The following RANBP2 variants were observed in gnomAD, a reference collection of about 807,000 sequenced individuals.
RANBP2 encodes the protein RAN binding protein 2.
RANBP2 carries 57 observed loss-of-function variants against 303.6 expected under a neutral mutation model. That is an observed-to-expected ratio of 0.19 (90% confidence interval 0.15 to 0.23). RANBP2 has a LOEUF of 0.23. RANBP2 is among the 10% of genes least tolerant of loss of function. The pLI is 1.00. For synonymous variants in RANBP2, 1,167 were observed against 1,301.5 expected, an observed-to-expected ratio of 0.90 and a Z score of 2.23; for missense variants, 3,138 against 3,780.8, an observed-to-expected ratio of 0.83 and a Z score of 4.46.
chr2:109,585,999 A>G, the RANBP2 span, among the ~76,000 whole-genome samples: 2 of 152,228 alleles, frequency 1.3e-5, no homozygotes, highest in African/African-American at 4.8e-5. Context: ...TTTTCAGGAA[A>G]AGAAACCTGT....
chr2:109,593,172 C>T, the RANBP2 span: 4 of 1,192,490 alleles, frequency 3.4e-6, no homozygotes, highest in Non-Finnish European at 4.8e-6. Context: ...ACTCCCCAAA[C>T]CCCATTATCT....
the RANBP2 span, among the ~76,000 whole-genome samples, chr2:109,040,143 T>TG: frequency 6.6e-6 from 1 of 152,198 alleles, no homozygotes; most frequent in African/African-American, 2.4e-5. Flanking sequence ...TGGCATGAAG[T>TG]GGGGGTCACG....
chr2:109,026,537 C>A, the RANBP2 span, among the ~76,000 whole-genome samples: 1 of 152,096 alleles, frequency 6.6e-6, no homozygotes, highest in South Asian at 2.1e-4. Context: ...CAAAGGCTGG[C>A]TATGCAGTCA....
the RANBP2 span, among the ~76,000 whole-genome samples, chr2:108,965,257 C>T: frequency 1.3e-5 from 2 of 152,056 alleles, no homozygotes; most frequent in Non-Finnish European, 2.9e-5. Flanking sequence ...GCAGGCGGAT[C>T]ATGAGGTCAG....
chr2:108,990,521 A>T, the RANBP2 span, among the ~76,000 whole-genome samples: 1 of 151,804 alleles, frequency 6.6e-6, no homozygotes, highest in Non-Finnish European at 1.5e-5. Context: ...GTTCGAACCC[A>T]GGAGATGGAA....
the RANBP2 span, chr2:108,910,726 C>A: frequency 6.2e-7 from 1 of 1,601,644 alleles, no homozygotes; most frequent in African/African-American, 1.3e-5. Context: ...CGCCCTCCAC[C>A]CAGAGATGGG....
At chr2:109,032,586 T>G in the RANBP2 span, among the ~76,000 whole-genome samples, 1 of 151,308 alleles carries the variant, frequency 6.6e-6, no homozygotes. Flanking sequence ...CCCCTCCCCA[T>G]GGGGTGGGGT....
At chr2:109,723,645 C>T in the RANBP2 span, among the ~76,000 whole-genome samples, 1 of 151,830 alleles carries the variant, frequency 6.6e-6, no homozygotes, top group East Asian at 1.9e-4. Context: ...GTTTAAGTTC[C>T]CTGTAGACTC....
chr2:108,812,798 T>A, the RANBP2 span: 1 of 1,611,762 alleles, frequency 6.2e-7, no homozygotes, highest in Non-Finnish European at 8.5e-7. Flanking sequence ...GTTCTTTAAT[T>A]CACGCATATA....
the RANBP2 span, among the ~76,000 whole-genome samples, chr2:109,430,911 T>C: frequency 6.6e-6 from 1 of 152,156 alleles, no homozygotes; most frequent in Non-Finnish European, 1.5e-5. Flanking sequence ...GAGGAGGGCA[T>C]GAGGGACACC....
the RANBP2 span, among the ~76,000 whole-genome samples, chr2:109,523,004 G>A: frequency 1.3e-5 from 2 of 152,158 alleles, no homozygotes; most frequent in Non-Finnish European, 2.9e-5. Context: ...CTGTGAGTCC[G>A]TGTCAGGCAC....
chr2:109,410,753 C>T, the RANBP2 span, among the ~76,000 whole-genome samples: 1,920 of 152,318 alleles, frequency 0.013, 49 homozygotes, highest in African/African-American at 0.044. Flanking sequence ...GTGGTGCAAA[C>T]GTACTTTATT....
the RANBP2 span, among the ~76,000 whole-genome samples, chr2:109,361,104 C>G: frequency 6.6e-6 from 1 of 152,102 alleles, no homozygotes; most frequent in African/African-American, 2.4e-5. Context: ...TCTTCTTTAG[C>G]CTGTGGATAT....
chr2:108,741,290 G>T (rs985906899), intron 7 of RANBP2, among the ~76,000 whole-genome samples: 1 of 151,806 alleles, frequency 6.6e-6, no homozygotes, highest in Non-Finnish European at 1.5e-5. Flanking sequence ...TCCACCTCCT[G>T]GGTTCAAGTG....
chr2:108,934,268 T>C, the RANBP2 span, among the ~76,000 whole-genome samples: 1 of 152,180 alleles, frequency 6.6e-6, no homozygotes, highest in Non-Finnish European at 1.5e-5. Context: ...CAGGGCAGCC[T>C]GTGGTTTGGA....
At chr2:109,275,792 C>T in the RANBP2 span, among the ~76,000 whole-genome samples, 2 of 152,330 alleles carry the variant, frequency 1.3e-5, no homozygotes, top group Non-Finnish European at 2.9e-5. Flanking sequence ...TGAAGCGAGG[C>T]ACAGTGAGAG....
the RANBP2 span, among the ~76,000 whole-genome samples, chr2:109,135,160 A>C: frequency 1.8e-4 from 28 of 152,160 alleles, no homozygotes; most frequent in Non-Finnish European, 4.1e-4. Context: ...CCTTGTACTT[A>C]GTCTCCAAGT....
At chr2:109,296,176 CA>C in the RANBP2 span, among the ~76,000 whole-genome samples, 1 of 152,082 alleles carries the variant, frequency 6.6e-6, no homozygotes, top group Non-Finnish European at 1.5e-5. Context: ...CCCTAGGACC[CA>C]GAGCCTCCTC....
the RANBP2 span, among the ~76,000 whole-genome samples, chr2:109,709,287 CAA>C: frequency 1.5e-5 from 2 of 133,190 alleles, no homozygotes; most frequent in African/African-American, 2.6e-5. Context: ...GCCTGGGCAA[CAA>C]GAGCGAAACT....
Sources: allele counts gnomAD v4.1 joint callset (sites outside exome capture counted in the v4.1 genomes callset), GRCh38; gene constraint gnomAD v4.1.1; transcripts MANE v1.5; gene names NCBI Gene and HGNC (gene_info 2026-07-23, HGNC 2026-07-21).